SLC35A3: variants seen among roughly 807,000 people sequenced by gnomAD.
SLC35A3 encodes solute carrier family 35 member A3.
SLC35A3 carries 26 observed loss-of-function variants against 39.0 expected under a neutral mutation model. That is an observed-to-expected ratio of 0.67 (90% CI 0.49 to 0.92). The LOEUF is 0.92. Among genes scored for constraint, SLC35A3 ranks in the 40% least tolerant of loss-of-function variants. The pLI, the probability that SLC35A3 is intolerant of heterozygous loss-of-function variation, is 0.00. For synonymous variants in SLC35A3, 135 were observed against 133.1 expected (o/e 1.01, Z -0.10); for missense variants, 299 against 371.6 (o/e 0.80, Z 1.61).
chr1:100,007,016 T>C lies in SLC35A3; in HGVS notation c.343-18T>C, dbSNP rs1355807164. On this transcript the variant is annotated intron_variant, in intron 3 of 7. Transcript: ENST00000533028. ...ACAAACAAACGAACATTAATAATAT[T>C]ACTGTTTTCTTTTTCAGGTCACGTA... The C allele has an allele frequency of 2.6e-5, 42 of 1,586,530 alleles. No homozygotes were observed. The highest frequency in any genetic ancestry group is 3.6e-5 in the Non-Finnish European group (42 of 1,167,768).
intron 1 of SLC35A3, among the ~76,000 whole-genome samples, chr1:99,980,274 A>G (rs1657380907): frequency 6.6e-6 from 1 of 151,970 alleles, no homozygotes; most frequent in Non-Finnish European, 1.5e-5. Context: ...AATATCTTTA[A>G]CTGTTGTAAG....
chr1:100,031,180 G>A lies in SLC35A3; in HGVS notation c.*8704G>A, dbSNP rs1661191094. The A allele has an allele frequency of 6.6e-6, 1 of 152,002 alleles. No homozygotes were observed. Among genetic ancestry groups the A allele is most frequent in the Non-Finnish European group, 1.5e-5 (1 of 67,998 alleles). 9.4% of individuals were successfully genotyped at this position (152,002 alleles called of 1,614,324 possible). ...GCCAATTTAGCTTTAAAAAACTCAT[G>A]GGCTACCTCCATGAACTCACACATG... is the stretch of plus-strand genomic sequence containing the variant. On this transcript the variant is annotated 3_prime_UTR_variant, in exon 8 of 8. Coordinates refer to ENST00000533028, the MANE Select transcript of SLC35A3 (RefSeq NM_012243.3).
intron 1 of SLC35A3, among the ~76,000 whole-genome samples, chr1:99,971,793 CTGTCTTTGT>C (rs1272334426): frequency 6.6e-6 from 1 of 152,174 alleles, no homozygotes; most frequent in Non-Finnish European, 1.5e-5. Flanking sequence ...GCCTTCCTTG[CTGTCTTTGT>C]AGAAATTCTA....
intron 6 of SLC35A3, among the ~76,000 whole-genome samples, chr1:100,017,382 G>A (rs113469172): frequency 9.9e-5 from 15 of 152,246 alleles, no homozygotes; most frequent in African/African-American, 3.4e-4. Flanking sequence ...GTCCAAACAA[G>A]TGATGTTTAA....
At chr1:100,018,043 A>C (rs1233771563) in intron 7 of SLC35A3, among the ~76,000 whole-genome samples, 1 of 152,252 alleles carries the variant, frequency 6.6e-6, no homozygotes, top group African/African-American at 2.4e-5. Flanking sequence ...AATAGATGTG[A>C]ATATTTTCCC....
intron 5 of SLC35A3, among the ~76,000 whole-genome samples, chr1:100,012,965 T>C (rs548678639): frequency 2.0e-5 from 3 of 152,308 alleles, no homozygotes; most frequent in African/African-American, 7.2e-5. Flanking sequence ...AGTTTCTTCA[T>C]CTATAAAATA....
intron 2 of SLC35A3, among the ~76,000 whole-genome samples, 175 bp from the exon 3 acceptor site, chr1:99,999,086 A>G (rs1658590730): frequency 6.6e-6 from 1 of 152,124 alleles, no homozygotes; most frequent in African/African-American, 2.4e-5. Context: ...TTAATACATT[A>G]TAATATTTAA....
chr1:99,980,867 A>G (rs1173223169), intron 1 of SLC35A3, among the ~76,000 whole-genome samples: 1 of 152,158 alleles, frequency 6.6e-6, no homozygotes, highest in African/African-American at 2.4e-5. Context: ...ATTACTTTCT[A>G]CTTATTTCTT....
At chr1:99,994,096 C>A (rs559971591) in intron 2 of SLC35A3, among the ~76,000 whole-genome samples, 2 of 152,014 alleles carry the variant, frequency 1.3e-5, no homozygotes, top group South Asian at 4.1e-4. Context: ...ATTGATTAGT[C>A]CAGCAGTGAC....
At chr1:99,986,901 G>T (rs1265468800) in intron 1 of SLC35A3, among the ~76,000 whole-genome samples, 1 of 152,184 alleles carries the variant, frequency 6.6e-6, no homozygotes, top group Admixed American at 6.5e-5. Context: ...ATTTTCACTT[G>T]AAAAGAAGTT....
chr1:99,983,354 A>G (rs1289763261), intron 1 of SLC35A3, among the ~76,000 whole-genome samples: 1 of 151,940 alleles, frequency 6.6e-6, no homozygotes. Flanking sequence ...CCTGACCAAC[A>G]TGGTGAAACC....
intron 1 of SLC35A3, 63 bp downstream of exon 1, chr1:99,970,225 C>G (rs1035388777): frequency 4.6e-6 from 1 of 217,138 alleles, no homozygotes; most frequent in South Asian, 1.2e-4. Context: ...CGGGGCGGCC[C>G]GGGAAGCTCC....
chr1:99,995,094 T>C (rs1261614505), intron 2 of SLC35A3, among the ~76,000 whole-genome samples: 3 of 151,746 alleles, frequency 2.0e-5, no homozygotes, highest in Non-Finnish European at 4.4e-5. Flanking sequence ...TTTTTTTGGC[T>C]TTTTGTGTAT....
At chr1:99,979,448 A>G (rs75938614) in intron 1 of SLC35A3, among the ~76,000 whole-genome samples, 1 of 68,652 alleles carries the variant, frequency 1.5e-5, no homozygotes, top group African/African-American at 5.6e-5. Flanking sequence ...TTTTTTTTTT[A>G]TTTGAGACAG....
At position 100,034,455 on chromosome 1, in the gene SLC35A3, A is replaced by C. The variant is rs574847565; in HGVS notation, c.*11979A>C. The C allele has an allele frequency of 1.3e-5, 2 of 152,164 alleles. No individual in the cohort carries two copies. Among genetic ancestry groups the C allele is most frequent in the African/African-American group, 4.8e-5 (2 of 41,516 alleles). 9.4% of individuals were successfully genotyped at this position (152,164 alleles called of 1,614,324 possible). ...AATGATATTCATGTTGGAGTGTTGTATATTATTTGCCTCTGCTTCATATTG... is the reference window on the plus strand; with the variant it reads ...AATGATATTCATGTTGGAGTGTTGTCTATTATTTGCCTCTGCTTCATATTG... On this transcript the variant is annotated 3_prime_UTR_variant, in exon 8 of 8. Coordinates refer to ENST00000533028, the MANE Select transcript of SLC35A3 (RefSeq NM_012243.3).
intron 1 of SLC35A3, among the ~76,000 whole-genome samples, chr1:99,977,919 T>C (rs76127907): frequency 0.046 from 6,964 of 152,272 alleles, 365 homozygotes; most frequent in African/African-American, 0.12. Flanking sequence ...TGGGGAGCAA[T>C]TCTATCTTAA....
chr1:100,010,538 C>T (rs1274835693), intron 4 of SLC35A3, among the ~76,000 whole-genome samples: 1 of 152,022 alleles, frequency 6.6e-6, no homozygotes, highest in Non-Finnish European at 1.5e-5. Context: ...ACAAAAAACA[C>T]AGAAATTAGC....
chr1:100,017,814 A>G lies in SLC35A3; in HGVS notation c.886A>G (p.Ser296Gly), dbSNP rs141952252. 2.6e-5 allele frequency: 41 copies of G among 1,550,916 alleles called. No individual in the cohort carries two copies. Among genetic ancestry groups the G allele is most frequent in the Non-Finnish European group, 5.2e-6 (6 of 1,151,724 alleles). Reference protein sequence around the residue: ...YFWLQDFVPTSVFFLGAILVI... With the variant: ...YFWLQDFVPTGVFFLGAILVI... ...TTGGCTTCAAGATTTTGTGCCAACC[A>G]GGTAAAATGTTCTTTTCTATTTTTT... The change falls in exon 7 of 8, where the codon AGT becomes GGT. Residue 296 changes from serine to glycine, a missense_variant and splice_region_variant. Ser to Gly is a moderately conservative substitution (Grantham distance 56). Transcript: ENST00000533028.
intron 5 of SLC35A3, among the ~76,000 whole-genome samples, chr1:100,014,665 C>T (rs922358836): frequency 2.0e-5 from 3 of 152,158 alleles, no homozygotes; most frequent in African/African-American, 7.2e-5. Flanking sequence ...GAGCAATTTG[C>T]ACATATTCGA....
Sources: allele counts gnomAD v4.1 joint callset (sites outside exome capture counted in the v4.1 genomes callset), GRCh38; gene constraint gnomAD v4.1.1; transcripts MANE v1.5; gene names NCBI Gene and HGNC (gene_info 2026-07-23, HGNC 2026-07-21).